The following PCDHGA3 variants were observed in gnomAD, a reference collection of about 807,000 sequenced individuals.
PCDHGA3 encodes protocadherin gamma-A3.
Under a neutral mutation model 58.5 loss-of-function variants are expected in PCDHGA3, and 40 were observed. The observed-to-expected ratio is 0.68, with a 90% CI of 0.53 to 0.89. The LOEUF (loss-of-function observed/expected upper bound fraction) is 0.89. Ranked by LOEUF, PCDHGA3 falls within the 40% of genes least tolerant of loss-of-function variation. The probability of loss-of-function intolerance (pLI) is 0.00; values close to 1 mark genes in which losing one functional copy is unlikely to be tolerated. For synonymous variants in PCDHGA3, 530 were observed against 525.7 expected (o/e 1.01, Z -0.11); for missense variants, 1,223 against 1,195.9 (o/e 1.02, Z -0.33).
intron 1 of PCDHGA3, chr5:141,361,052 A>T: frequency 6.2e-7 from 1 of 1,613,800 alleles, no homozygotes; most frequent in South Asian, 1.1e-5. Flanking sequence ...ACAAAGGATG[A>T]TTTGGATTTT....
chr5:141,506,444 CAAAAA>C (rs1219684339), intron 3 of PCDHGA3, among the ~76,000 whole-genome samples: 4 of 95,024 alleles, frequency 4.2e-5, no homozygotes, highest in Admixed American at 1.1e-4. Flanking sequence ...CGCTCTGTCT[CAAAAA>C]AAAAAAAAAA....
chr5:141,419,561 G>T, intron 1 of PCDHGA3: 1 of 1,611,846 alleles, frequency 6.2e-7, no homozygotes. Flanking sequence ...CCCTGCGCTG[G>T]GTCCCGACGG....
chr5:141,357,236 A>G (rs756707851), intron 1 of PCDHGA3: 2 of 1,613,634 alleles, frequency 1.2e-6, no homozygotes, highest in East Asian at 4.5e-5. Context: ...GGCAGCCTCA[A>G]GCCTTCAGCA....
intron 1 of PCDHGA3, chr5:141,383,733 A>G (rs770047743): frequency 6.8e-6 from 11 of 1,613,886 alleles, no homozygotes; most frequent in South Asian, 6.6e-5. Flanking sequence ...GGGAAGTGAC[A>G]TATTCTTTTC....
chr5:141,433,256 C>T, intron 1 of PCDHGA3: 2 of 1,385,666 alleles, frequency 1.4e-6, no homozygotes, highest in Non-Finnish European at 2.0e-6. Context: ...TGCAGCGGTA[C>T]GATCATAGCT....
Position 141,431,999 on chromosome 5 carries a change from C to G in PCDHGA3, c.2425-62808C>G. The G allele has an allele frequency of 6.2e-7, 1 of 1,614,158 alleles. No homozygotes were observed. The highest frequency in any genetic ancestry group is 1.1e-5 in the South Asian group (1 of 91,086). On this transcript the variant is annotated intron_variant, in intron 1 of 3. Transcript: ENST00000253812. This position sits in a 1 kb window ranked among gnomAD's most constrained non-coding sequence, Gnocchi z 4.8. ...CACAGACATAGTCTTGGATAGGGAA[C>G]AGGTTCCTAGCTACAACATCACAGT... is the stretch of plus-strand genomic sequence containing the variant.
rs944974638 is a variant in PCDHGA3, at chr5:141,393,886, A to C, written c.2424+47429A>C. 3.7e-6 allele frequency: 6 copies of C among 1,614,034 alleles called. No individual in the cohort carries two copies. In the East Asian group the frequency reaches 1.3e-4, roughly 36 times the overall value. On this transcript the variant is annotated intron_variant, in intron 1 of 3. Coordinates refer to ENST00000253812, the MANE Select transcript of PCDHGA3 (RefSeq NM_018916.4). ...ACGTCTTTGTTTAGCCCAGTGTTAG[A>C]AAATTCTCTTCCCGGGACAGTAATT...
At chr5:141,464,600 C>T (rs970370250) in intron 1 of PCDHGA3, among the ~76,000 whole-genome samples, 24 of 152,118 alleles carry the variant, frequency 1.6e-4, no homozygotes, top group Admixed American at 1.1e-3. Flanking sequence ...CCATAGTCTC[C>T]TTTGCAGAGT....
intron 1 of PCDHGA3, among the ~76,000 whole-genome samples, chr5:141,445,441 C>G (rs1201825256): frequency 6.6e-6 from 1 of 152,152 alleles, no homozygotes; most frequent in East Asian, 1.9e-4. Context: ...GACCTATGGA[C>G]TAAGGATGCA....
In PCDHGA3 at chr5:141,511,540, C is replaced by CTA; in HGVS notation, c.*367_*368insTA. ...ATCCCATGCCTCCCTCCTCCCCACC[C>CTA]CACTCCAACAGTTCCTCTTTCCCGA... On this transcript the variant is annotated 3_prime_UTR_variant, in exon 4 of 4. Transcript: ENST00000253812. 3.0e-6 allele frequency: 1 copy of CTA among 328,024 alleles called. No individual in the cohort carries two copies. Among genetic ancestry groups the CTA allele is most frequent in the South Asian group, 3.2e-5 (1 of 31,610 alleles). 20.3% of individuals were successfully genotyped at this position (328,024 alleles called of 1,614,324 possible). A position where few individuals can be genotyped will look rare whatever the true frequency, so the allele number is the denominator to read the frequency against.
intron 1 of PCDHGA3, chr5:141,365,282 G>A: frequency 6.2e-7 from 1 of 1,613,998 alleles, no homozygotes; most frequent in South Asian, 1.1e-5. Context: ...CTACCTCATG[G>A]AAGTGGTAGC....
At position 141,351,746 on chromosome 5, in the gene PCDHGA3, G is replaced by C. The variant is rs370474605; in HGVS notation, c.2424+5289G>C. The C allele has an allele frequency of 1.9e-6, 3 of 1,613,680 alleles. No homozygotes were observed. ...TCTGGCCAGTGACCTGGAGCCGCGG[G>C]AGCTGTTGTCCTACGTGTCCGTGAG... On this transcript the variant is annotated intron_variant, in intron 1 of 3. Coordinates refer to ENST00000253812, the MANE Select transcript of PCDHGA3 (RefSeq NM_018916.4).
chr5:141,377,732 C>A (rs554693714), intron 1 of PCDHGA3: 2 of 152,264 alleles, frequency 1.3e-5, no homozygotes, highest in African/African-American at 4.8e-5. Flanking sequence ...AGATAAGAAT[C>A]ATTGGTAACT....
In PCDHGA3 at chr5:141,489,053, G is replaced by C; in HGVS notation, c.2425-5754G>C. 1 of 473,650 alleles carries C rather than the reference G, an allele frequency of 2.1e-6. No homozygotes were observed. Among genetic ancestry groups the C allele is most frequent in the Non-Finnish European group, 3.7e-6 (1 of 270,732 alleles). The allele number at this position is 473,650 out of a possible 1,614,324, so 29.3% of individuals were successfully genotyped here. A position where few individuals can be genotyped will look rare whatever the true frequency, so the allele number is the denominator to read the frequency against. On this transcript the variant is annotated intron_variant, in intron 1 of 3. Transcript: ENST00000253812. The surrounding 1 kb of genome is among the most constrained non-coding windows in gnomAD (Gnocchi z 4.5). ...AGCTCCCCAGCTCCACTCAAATTCA[G>C]CTCCCCTCCCCCCTGCCCACCCCCG...
At chr5:141,466,143 C>T (rs2099117622) in intron 1 of PCDHGA3, among the ~76,000 whole-genome samples, 1 of 151,816 alleles carries the variant, frequency 6.6e-6, no homozygotes, top group Admixed American at 6.6e-5. Flanking sequence ...CAAGTGAAAA[C>T]TCTGGTCTTA....
intron 1 of PCDHGA3, chr5:141,427,703 C>T (rs529490424): frequency 1.0e-6 from 1 of 957,508 alleles, no homozygotes. Flanking sequence ...CACAAGTCAG[C>T]GCCTCTGACC....
At position 141,498,794 on chromosome 5, in the gene PCDHGA3, G is replaced by A. The variant is rs184257963; in HGVS notation, c.2483+3929G>A. ...TAAAAATACAAAATATTAGCCAGGT[G>A]TGGTGGTGCACACCTGTAGTCCCAG... On this transcript the variant is annotated intron_variant, in intron 2 of 3. Transcript: ENST00000253812. Among the ~76,000 whole-genome samples the A allele has an allele frequency of 7.9e-5, 12 of 152,224 alleles. No individual in the cohort carries two copies. The East Asian group carries it at 2.3e-3, about 30-fold the overall frequency.
In PCDHGA3 at chr5:141,431,913, T is replaced by C; in HGVS notation, c.2425-62894T>C. The C allele has an allele frequency of 6.2e-7, 1 of 1,614,140 alleles. No individual in the cohort carries two copies. Among genetic ancestry groups the C allele is most frequent in the Admixed American group, 1.7e-5 (1 of 60,034 alleles). On this transcript the variant is annotated intron_variant, in intron 1 of 3. Transcript: ENST00000253812. This position sits in a 1 kb window ranked among gnomAD's most constrained non-coding sequence, Gnocchi z 4.8. The stretch of plus-strand genomic sequence containing the variant: ...GAGGAAAACGGACAGGTGATCTGTT[T>C]CATCCAAGGAAATCTGCCCTTTAAA...
chr5:141,414,302 A>G (rs2095732200), intron 1 of PCDHGA3: 3 of 1,613,678 alleles, frequency 1.9e-6, no homozygotes, highest in Non-Finnish European at 2.5e-6. Flanking sequence ...TTAAATGTGC[A>G]TGATTTAGAC....
Sources: allele counts gnomAD v4.1 joint callset (sites outside exome capture counted in the v4.1 genomes callset), GRCh38; gene constraint gnomAD v4.1.1; non-coding constraint Gnocchi (gnomAD v3.1); transcripts MANE v1.5; gene names NCBI Gene and HGNC (gene_info 2026-07-23, HGNC 2026-07-21).